The following CDH23 variants were observed in gnomAD, a reference collection of about 807,000 sequenced individuals.
CDH23 encodes the protein cadherin related 23, also known as cadherin-23.
A neutral mutation model predicts 317.1 loss-of-function variants in CDH23; 189 were observed. The ratio of observed to expected loss-of-function variants is 0.60; its 90% CI spans 0.53 to 0.67. The LOEUF (loss-of-function observed/expected upper bound fraction) is 0.67. Among genes scored for constraint, CDH23 ranks in the 30% least tolerant of loss-of-function variants. CDH23 has a pLI of 0.00. For synonymous variants in CDH23, 1,839 were observed against 1,876.8 expected, an observed-to-expected ratio of 0.98 and a Z score of 0.52; for missense variants, 4,401 against 4,592.4, an observed-to-expected ratio of 0.96 and a Z score of 1.20.
At chr10:71,601,471 C>G (rs1178987369) in intron 9 of CDH23, among the ~76,000 whole-genome samples, 1 of 152,210 alleles carries the variant, frequency 6.6e-6, no homozygotes, top group Admixed American at 6.5e-5. Flanking sequence ...GGGTAGATAA[C>G]TTGCCCACGG....
At position 71,803,072 on chromosome 10, in the gene CDH23, G is replaced by A. The variant is rs370325211; in HGVS notation, c.7657G>A (p.Val2553Met). Residue 2553 changes from valine (V) to methionine (M), a missense_variant, in exon 54 of 70, where the codon GTG becomes ATG. Val to Met is a conservative substitution (Grantham distance 21). Coordinates refer to ENST00000224721, the MANE Select transcript of CDH23 (RefSeq NM_022124.6). Reference protein sequence around the residue: ...ELTYSLEGPGVEAFHVDMDSG... With the variant: ...ELTYSLEGPGMEAFHVDMDSG... ...GACCTACTCACTTGAGGGCCCTGGC[G>A]TGGGTATGTGGCCTTCCTTGGACAC... 89 of 1,608,424 alleles carry A rather than the reference G, an allele frequency of 5.5e-5. No homozygotes were observed. Among genetic ancestry groups the A allele is most frequent in the Non-Finnish European group, 6.9e-5 (81 of 1,175,566 alleles).
chr10:71,397,292 C>A lies in CDH23; in HGVS notation c.-32C>A. 1 of 175,184 alleles carries A rather than the reference C, an allele frequency of 5.7e-6. No individual in the cohort carries two copies. The highest frequency in any genetic ancestry group is 9.0e-5 in the South Asian group (1 of 11,146). 10.9% of individuals were successfully genotyped at this position (175,184 alleles called of 1,614,324 possible). ...GAGCAGAGCCCGAGGCGAGGCGAGG[C>A]GCGGCGCCGCTGCACACACGCACAC... On this transcript the variant is annotated 5_prime_UTR_variant, in exon 1 of 70. Coordinates refer to ENST00000224721, the MANE Select transcript of CDH23 (RefSeq NM_022124.6). This position sits in a 1 kb window ranked among gnomAD's most constrained non-coding sequence, Gnocchi z 4.8.
At chr10:71,525,120 T>G (rs755618833) in intron 6 of CDH23, among the ~76,000 whole-genome samples, 20 of 152,158 alleles carry the variant, frequency 1.3e-4, no homozygotes, top group Non-Finnish European at 2.6e-4. Context: ...TTGGCCAGGC[T>G]GGCCTTGAAC....
intron 69 of CDH23, 55 bp downstream of exon 69, chr10:71,813,403 T>C (rs1842010383): frequency 1.4e-6 from 2 of 1,426,862 alleles, no homozygotes; most frequent in East Asian, 2.5e-5. Context: ...GGGGATGCTC[T>C]CTGTCTCTTG....
intron 28 of CDH23, chr10:71,716,595 T>C (rs1404108815): frequency 7.4e-6 from 3 of 406,894 alleles, no homozygotes; most frequent in Non-Finnish European, 1.3e-5. Context: ...CCATCTGCCA[T>C]GCAGACAAGA....
intron 1 of CDH23, among the ~76,000 whole-genome samples, chr10:71,407,834 C>G (rs1332840892): frequency 1.3e-5 from 2 of 152,120 alleles, no homozygotes; most frequent in Admixed American, 6.5e-5. Flanking sequence ...AGTGATAGTC[C>G]TTTCATTGAC....
At chr10:71,769,387 C>A (rs1488470531) in intron 38 of CDH23, among the ~76,000 whole-genome samples, 1 of 152,044 alleles carries the variant, frequency 6.6e-6, no homozygotes, top group East Asian at 1.9e-4. Context: ...TGGTTTTGTT[C>A]TATTTATGAC....
At chr10:71,612,373 C>T (rs1231899075) in intron 9 of CDH23, among the ~76,000 whole-genome samples, 1 of 151,628 alleles carries the variant, frequency 6.6e-6, no homozygotes, top group Non-Finnish European at 1.5e-5. Flanking sequence ...GGACAGATGC[C>T]GGGTTTGGAG....
At chr10:71,734,123 T>C (rs1190458874) in intron 32 of CDH23, 117 bp from the exon 33 acceptor site, 4 of 821,934 alleles carry the variant, frequency 4.9e-6, no homozygotes, top group African/African-American at 1.7e-5. Flanking sequence ...AGACAGAGTG[T>C]CCTGGGGAAG....
At chr10:71,470,708 G>T (rs540115043) in intron 3 of CDH23, among the ~76,000 whole-genome samples, 1 of 152,126 alleles carries the variant, frequency 6.6e-6, no homozygotes, top group African/African-American at 2.4e-5. Context: ...GTCTGGGCTG[G>T]TCTAACTCCT....
At chr10:71,416,781 C>T (rs1848552311) in intron 1 of CDH23, among the ~76,000 whole-genome samples, 1 of 152,086 alleles carries the variant, frequency 6.6e-6, no homozygotes, top group Non-Finnish European at 1.5e-5. Context: ...GATCCTCCCA[C>T]CCCAGTCTCC....
intron 26 of CDH23, chr10:71,707,372 C>T (rs1865831653): frequency 1.5e-6 from 2 of 1,366,930 alleles, no homozygotes; most frequent in South Asian, 3.7e-5. Flanking sequence ...AGCCCCACTC[C>T]CCGCCCCAAG....
chr10:71,424,876 G>T (rs1235791189), intron 1 of CDH23, among the ~76,000 whole-genome samples: 1 of 152,182 alleles, frequency 6.6e-6, no homozygotes, highest in Non-Finnish European at 1.5e-5. Context: ...TGCCTGGGGG[G>T]CTGAGAGGAG....
At chr10:71,661,329 G>A (rs1042097754) in intron 14 of CDH23, among the ~76,000 whole-genome samples, 1 of 152,078 alleles carries the variant, frequency 6.6e-6, no homozygotes, top group Non-Finnish European at 1.5e-5. Flanking sequence ...AACAAAGCCA[G>A]GACAAAAGAG....
Position 71,807,304 on chromosome 10 carries a change from A to G in CDH23, c.8206A>G (p.Thr2736Ala). The G allele has an allele frequency of 6.2e-7, 1 of 1,613,910 alleles. No homozygotes were observed. ...AGGCAGCCCCCAGTACCAGCTGCTG[A>G]CAGTGCCTGAGCACTCACCACGCGG... ...PKGSPQYQLL[T>A]VPEHSPRGTL... is the part of the protein sequence containing the mutation. The change falls in exon 58 of 70, where the codon ACA becomes GCA. Residue 2736 changes from threonine to alanine, a missense_variant. Thr to Ala is a moderately conservative substitution (Grantham distance 58). Coordinates refer to ENST00000224721, the MANE Select transcript of CDH23 (RefSeq NM_022124.6).
At chr10:71,471,147 T>G (rs10999834) in intron 3 of CDH23, among the ~76,000 whole-genome samples, 73,937 of 152,032 alleles carry the variant, frequency 0.49, 18,506 homozygotes, top group East Asian at 0.65. Flanking sequence ...TGCGGGTCTT[T>G]CAGCCAAGCT....
Position 71,646,451 on chromosome 10 carries a change from A to G in CDH23, c.1291-8A>G, listed in dbSNP as rs1286265380. ...GAGCTTACCTGGGCCCCTGTTCTGC[A>G]CCCCCAGCTCTTTGCCAATGAGAGT... On this transcript the variant is annotated splice_region_variant and splice_polypyrimidine_tract_variant and intron_variant, in intron 13 of 69. Coordinates refer to ENST00000224721, the MANE Select transcript of CDH23 (RefSeq NM_022124.6). 2 of 1,612,790 alleles carry G rather than the reference A, an allele frequency of 1.2e-6. No individual in the cohort carries two copies. Among genetic ancestry groups the G allele is most frequent in the Non-Finnish European group, 1.7e-6 (2 of 1,179,446 alleles).
chr10:71,495,268 C>G (rs117292319), intron 3 of CDH23, among the ~76,000 whole-genome samples: 155 of 152,202 alleles, frequency 1.0e-3, no homozygotes, highest in African/African-American at 3.6e-3. Flanking sequence ...TGGGTAATTA[C>G]GAGTCTCCTC....
chr10:71,769,736 C>T (rs948011165), intron 38 of CDH23, among the ~76,000 whole-genome samples: 21 of 152,274 alleles, frequency 1.4e-4, no homozygotes, highest in African/African-American at 4.6e-4. Flanking sequence ...TAAGATCCTA[C>T]GCAGAAAGGC....
Sources: allele counts gnomAD v4.1 joint callset (sites outside exome capture counted in the v4.1 genomes callset), GRCh38; gene constraint gnomAD v4.1.1; non-coding constraint Gnocchi (gnomAD v3.1); transcripts MANE v1.5; gene names NCBI Gene and HGNC (gene_info 2026-07-23, HGNC 2026-07-21).